The following ACTR3C variants were observed in gnomAD, a reference collection of about 807,000 sequenced individuals.
ACTR3C encodes actin-related protein 3C.
In ACTR3C, 18 loss-of-function variants were observed where a neutral mutation model predicts 26.3. The ratio of observed to expected loss-of-function variants is 0.68; its 90% CI spans 0.47 to 1.01. The LOEUF (loss-of-function observed/expected upper bound fraction) is 1.01, where lower values mean the gene tolerates loss of function less well. ACTR3C is among the 50% of genes least tolerant of loss of function. The probability of loss-of-function intolerance (pLI) is 0.00; values close to 1 mark genes in which losing one functional copy is unlikely to be tolerated. For synonymous variants in ACTR3C, 55 were observed against 94.5 expected (o/e 0.58, Z 2.42); for missense variants, 184 against 250.7 (o/e 0.73, Z 1.80).
the ACTR3C span, among the ~76,000 whole-genome samples, chr7:150,108,645 G>T: frequency 6.7e-6 from 1 of 150,246 alleles, no homozygotes; most frequent in East Asian, 1.9e-4. Context: ...AAAAAATGGG[G>T]TTGCAGGAGA....
chr7:149,910,400 A>G, the ACTR3C span, among the ~76,000 whole-genome samples: 1 of 152,222 alleles, frequency 6.6e-6, no homozygotes, highest in Non-Finnish European at 1.5e-5. Flanking sequence ...AGTCTTAACT[A>G]AAACAAATGC....
chr7:149,972,196 C>T, the ACTR3C span, among the ~76,000 whole-genome samples: 1 of 152,216 alleles, frequency 6.6e-6, no homozygotes, highest in Non-Finnish European at 1.5e-5. Context: ...TTCTCAGTGA[C>T]AGAAAATGGC....
the ACTR3C span, among the ~76,000 whole-genome samples, chr7:150,069,756 G>A: frequency 3.9e-5 from 6 of 152,258 alleles, no homozygotes; most frequent in Admixed American, 2.6e-4. Context: ...GTTATTTTGT[G>A]TATTAATAGC....
At chr7:149,936,728 CTACT>C in the ACTR3C span, among the ~76,000 whole-genome samples, 1 of 152,240 alleles carries the variant, frequency 6.6e-6, no homozygotes, top group East Asian at 1.9e-4. Context: ...CCTATTTTTG[CTACT>C]TAGTGTTCTG....
the ACTR3C span, among the ~76,000 whole-genome samples, chr7:149,900,585 AAAG>A: frequency 0.021 from 3,127 of 152,264 alleles, 86 homozygotes; most frequent in African/African-American, 0.072. Flanking sequence ...CATCAAGAAA[AAAG>A]AAAGAACAAT....
chr7:149,938,931 A>G, the ACTR3C span, among the ~76,000 whole-genome samples: 1 of 85,262 alleles, frequency 1.2e-5, no homozygotes, highest in Non-Finnish European at 2.6e-5. Flanking sequence ...ATATATATGT[A>G]TATATAAATA....
At chr7:150,230,365 T>G in the ACTR3C span, among the ~76,000 whole-genome samples, 1 of 152,220 alleles carries the variant, frequency 6.6e-6, no homozygotes, top group Non-Finnish European at 1.5e-5. Context: ...CATTTCTTCT[T>G]GTACAAGTTG....
chr7:150,188,809 T>G, the ACTR3C span, among the ~76,000 whole-genome samples: 2 of 150,328 alleles, frequency 1.3e-5, no homozygotes, highest in Admixed American at 1.3e-4. Context: ...CCTGAACTCA[T>G]TCCCCCCAAA....
chr7:150,127,557 T>C, the ACTR3C span, among the ~76,000 whole-genome samples: 1 of 151,958 alleles, frequency 6.6e-6, no homozygotes, highest in Non-Finnish European at 1.5e-5. Flanking sequence ...TAATGTCTGT[T>C]TATTTCCGAG....
At chr7:150,228,423 A>T in the ACTR3C span, among the ~76,000 whole-genome samples, 3 of 152,254 alleles carry the variant, frequency 2.0e-5, no homozygotes, top group Admixed American at 6.5e-5. Flanking sequence ...ATCTTATATG[A>T]CAAAAGGGAC....
At chr7:150,272,224 A>G (rs1289214329) in intron 6 of ACTR3C, among the ~76,000 whole-genome samples, 1 of 140,484 alleles carries the variant, frequency 7.1e-6, no homozygotes, top group African/African-American at 3.0e-5. Context: ...CCTAAAATGT[A>G]TTCAGCAGGA....
chr7:150,241,261 C>T (rs1209160445), downstream of ACTR3C, among the ~76,000 whole-genome samples: 10 of 151,930 alleles, frequency 6.6e-5, no homozygotes, highest in Admixed American at 5.2e-4. Context: ...ACTATAAAGC[C>T]ATAGGAATAA....
the ACTR3C span, among the ~76,000 whole-genome samples, chr7:150,012,221 T>G: frequency 6.6e-6 from 1 of 152,138 alleles, no homozygotes; most frequent in East Asian, 1.9e-4. Flanking sequence ...TCTTTATTCT[T>G]TCCCTTTCTT....
chr7:150,054,709 A>G, the ACTR3C span, among the ~76,000 whole-genome samples: 1 of 152,240 alleles, frequency 6.6e-6, no homozygotes, highest in South Asian at 2.1e-4. Context: ...GTTAAACAGC[A>G]TGCTTGTGTC....
At chr7:149,959,083 T>C in the ACTR3C span, among the ~76,000 whole-genome samples, 1 of 152,368 alleles carries the variant, frequency 6.6e-6, no homozygotes, top group East Asian at 1.9e-4. Flanking sequence ...ACCTGATGCA[T>C]GTTGGCTCGG....
chr7:150,041,073 C>G, the ACTR3C span, among the ~76,000 whole-genome samples: 11 of 150,660 alleles, frequency 7.3e-5, 1 homozygote, highest in African/African-American at 2.7e-4. Context: ...CATCTTTTCT[C>G]TCTCTGACGC....
At chr7:150,194,491 T>A in the ACTR3C span, among the ~76,000 whole-genome samples, 20 of 149,682 alleles carry the variant, frequency 1.3e-4, no homozygotes, top group African/African-American at 4.2e-4. Flanking sequence ...AAAGAGCTTA[T>A]AGTTTTTTCT....
the ACTR3C span, among the ~76,000 whole-genome samples, chr7:150,084,192 T>C: frequency 2.0e-5 from 3 of 152,106 alleles, no homozygotes; most frequent in Non-Finnish European, 2.9e-5. Flanking sequence ...TGTAATTCTT[T>C]ATTGAGATGT....
chr7:150,116,310 C>T, the ACTR3C span, among the ~76,000 whole-genome samples: 18 of 152,286 alleles, frequency 1.2e-4, 1 homozygote, highest in African/African-American at 1.7e-4. Context: ...GGCAGTTTCA[C>T]GCACAAATCA....
Sources: gnomAD v4.1 joint callset for allele counts (sites outside exome capture counted in the v4.1 genomes callset) on GRCh38, gnomAD v4.1.1 for gene constraint, MANE v1.5 for transcripts, NCBI Gene and HGNC (gene_info 2026-07-23, HGNC 2026-07-21) for gene names.